LRP1: variants seen among roughly 807,000 people sequenced by gnomAD.
LRP1 encodes the protein LDL receptor related protein 1, also known as prolow-density lipoprotein receptor-related protein 1.
Under a neutral mutation model 541.5 loss-of-function variants are expected in LRP1, and 51 were observed. The observed-to-expected ratio is 0.09, with a 90% confidence interval of 0.08 to 0.12. The LOEUF (loss-of-function observed/expected upper bound fraction) is 0.12, where lower values mean the gene tolerates loss of function less well. Among genes scored for constraint, LRP1 ranks in the 10% least tolerant of loss-of-function variants. The pLI is 1.00. For missense variants in LRP1, 3,878 were observed against 6,376.2 expected, an observed-to-expected ratio of 0.61 and a Z score of 13.34; for synonymous variants, 2,219 against 2,470.8, an observed-to-expected ratio of 0.90 and a Z score of 3.02.
chr12:57,137,613 T>C (rs760249793), intron 1 of LRP1, among the ~76,000 whole-genome samples: 12 of 152,032 alleles, frequency 7.9e-5, no homozygotes, highest in Non-Finnish European at 1.3e-4. Flanking sequence ...ATGGCCAACA[T>C]GGTGAAACCC....
chr12:57,185,346 G>A lies in LRP1; in HGVS notation c.6463+141G>A, dbSNP rs2036248579. 1 of 1,380,924 alleles carries A rather than the reference G, an allele frequency of 7.2e-7. No individual in the cohort carries two copies. Among genetic ancestry groups the A allele is most frequent in the Non-Finnish European group, 9.8e-7 (1 of 1,016,400 alleles). 85.5% of individuals were successfully genotyped at this position (1,380,924 alleles called of 1,614,324 possible). A position where few individuals can be genotyped will look rare whatever the true frequency, so the allele number is the denominator to read the frequency against. ...ACTTCCGATGGCCCGAGAGACCCAG[G>A]GATGGGGAGGAAAGGCTGAGGTGCT... is the stretch of plus-strand genomic sequence containing the variant. On this transcript the variant is annotated intron_variant, in intron 40 of 88. Transcript: ENST00000243077. This position sits in a 1 kb window ranked among gnomAD's most constrained non-coding sequence, Gnocchi z 4.9.
At chr12:57,143,443 T>C (rs1330164198) in intron 3 of LRP1, among the ~76,000 whole-genome samples, 1 of 152,178 alleles carries the variant, frequency 6.6e-6, no homozygotes. Context: ...AACAGAGACA[T>C]GTGGGTTCTA....
chr12:57,196,884 AG>A (rs1385913880), intron 55 of LRP1, 97 bp from the exon 56 acceptor site: 6 of 1,082,018 alleles, frequency 5.5e-6, no homozygotes, highest in Non-Finnish European at 6.7e-6. Flanking sequence ...GCCCCTAGTG[AG>A]GCCGGGTAGA....
chr12:57,210,969 C>T, intron 83 of LRP1, 90 bp downstream of exon 83: 1 of 1,501,682 alleles, frequency 6.7e-7, no homozygotes, highest in East Asian at 2.4e-5. Context: ...TGCCTGGGAC[C>T]CACAGGGGCA....
In LRP1 at chr12:57,192,981, CG is replaced by C. The variant is rs373135688; in HGVS notation, c.7555+18del. On this transcript the variant is annotated intron_variant, in intron 45 of 88. Transcript: ENST00000243077. Reference sequence around the variant, plus strand: ...ACCTCACCTGCCGAGGTGAGAGAGGCGGGGGGGAGGGGCTGGCGGGGAACCC... The same window carrying C: ...ACCTCACCTGCCGAGGTGAGAGAGGCGGGGGGAGGGGCTGGCGGGGAACCC... 1,790 of 1,588,228 alleles carry C rather than the reference CG, an allele frequency of 1.1e-3. 16 individuals are homozygous for C. In the African/African-American group the frequency reaches 0.019, roughly 17 times the overall value.
chr12:57,131,068 C>T (rs796359874), intron 1 of LRP1, among the ~76,000 whole-genome samples: 8 of 152,300 alleles, frequency 5.3e-5, no homozygotes, highest in African/African-American at 1.7e-4. Flanking sequence ...TTATCCCTAA[C>T]CCCTGCCCTC....
chr12:57,154,268 A>G lies in LRP1; in HGVS notation c.902A>G (p.Asp301Gly). Residue 301 changes from aspartate to glycine, a missense_variant, in exon 7 of 89, where the codon GAT (aspartate) becomes GGT (glycine). By Grantham distance (94) the Asp-to-Gly change is moderately conservative. Transcript: ENST00000243077. The surrounding 1 kb of genome is among the most constrained non-coding windows in gnomAD (Gnocchi z 4.6). Reference protein sequence around the residue: ...TGNFYFVDDIDDRIFVCNRNG... With the variant: ...TGNFYFVDDIGDRIFVCNRNG... ...AACTTCTACTTTGTGGATGACATCG[A>G]TGATAGGATCTTTGTCTGCAACAGA... The G allele has an allele frequency of 6.2e-7, 1 of 1,614,224 alleles. No individual in the cohort carries two copies. Among genetic ancestry groups the G allele is most frequent in the South Asian group, 1.1e-5 (1 of 91,080 alleles).
chr12:57,206,448 C>A lies in LRP1; in HGVS notation c.11591-25C>A. On this transcript the variant is annotated intron_variant, in intron 75 of 88. Coordinates refer to ENST00000243077, the MANE Select transcript of LRP1 (RefSeq NM_002332.3). This position sits in a 1 kb window ranked among gnomAD's most constrained non-coding sequence, Gnocchi z 4.7. ...GGTGCACACCTGCATCCCACAGCCC[C>A]AGCCCTGGCCTCTTGCTTCTCCAGG... 1.2e-6 allele frequency: 2 copies of A among 1,611,598 alleles called. No individual in the cohort carries two copies. The highest frequency in any genetic ancestry group is 2.2e-5 in the South Asian group (2 of 91,002).
Position 57,173,432 on chromosome 12 carries a change from G to C in LRP1, c.3346+82G>C. On this transcript the variant is annotated intron_variant, in intron 21 of 88. Coordinates refer to ENST00000243077, the MANE Select transcript of LRP1 (RefSeq NM_002332.3). The surrounding 1 kb of genome is among the most constrained non-coding windows in gnomAD (Gnocchi z 4.7). Reference sequence around the variant, plus strand: ...GTGTTGAGAGCAGAGTAGCGGCAAAGGGGATGGCACTGTGCTGTGTGGAGT... The same window carrying C: ...GTGTTGAGAGCAGAGTAGCGGCAAACGGGATGGCACTGTGCTGTGTGGAGT... The C allele has an allele frequency of 6.9e-7, 1 of 1,443,722 alleles. No homozygotes were observed. The highest frequency in any genetic ancestry group is 9.5e-7 in the Non-Finnish European group (1 of 1,051,754). The allele number at this position is 1,443,722 out of a possible 1,614,324, so 89.4% of individuals were successfully genotyped here.
At chr12:57,202,888 C>A (rs2036686443) in intron 68 of LRP1, 8 of 567,968 alleles carry the variant, frequency 1.4e-5, no homozygotes, top group Non-Finnish European at 2.5e-5. Flanking sequence ...TGGTGCTTGT[C>A]TCAGTGGTCT....
rs757360423 is a variant in LRP1, at chr12:57,154,615, G to T, written c.1141G>T (p.Val381Phe). ...CACGCTGGACCTGGTCAGCCGCCTT[G>T]TCTACTGGGCAGATGCCTATCTGGA... ...GITLDLVSRL[V>F]YWADAYLDYI... The change falls in exon 8 of 89, where the codon GTC (valine) becomes TTC (phenylalanine). Residue 381 changes from valine to phenylalanine, a missense_variant. By Grantham distance (50) the Val-to-Phe change is conservative. This residue lies in a region of LRP1 where 496 missense variants were observed against 861.0 expected (regional missense o/e 0.58). Transcript: ENST00000243077. This position sits in a 1 kb window ranked among gnomAD's most constrained non-coding sequence, Gnocchi z 4.6. The T allele has an allele frequency of 1.2e-6, 2 of 1,609,682 alleles. No individual in the cohort carries two copies. The highest frequency in any genetic ancestry group is 1.7e-6 in the Non-Finnish European group (2 of 1,177,798).
Position 57,201,535 on chromosome 12 carries a change from A to G in LRP1, c.10384A>G (p.Ile3462Val), listed in dbSNP as rs759374505. The G allele has an allele frequency of 1.5e-5, 25 of 1,614,016 alleles. No individual in the cohort carries two copies. In the East Asian group the frequency reaches 4.5e-4, roughly 29 times the overall value. Reference sequence around the variant, plus strand: ...CGCCCCCAACCAGTTCCAGTGCTCCATTACCAAACGGTGCATCCCCCGGGT... The same window carrying G: ...CGCCCCCAACCAGTTCCAGTGCTCCGTTACCAAACGGTGCATCCCCCGGGT... Reference protein sequence around the residue: ...TCAPNQFQCSITKRCIPRVWV... With the variant: ...TCAPNQFQCSVTKRCIPRVWV... Residue 3462 changes from isoleucine to valine, a missense_variant, in exon 66 of 89, where the codon ATT (isoleucine) becomes GTT (valine). By Grantham distance (29) the Ile-to-Val change is conservative. This residue lies in a region of LRP1 where 278 missense variants were observed against 536.3 expected (regional missense o/e 0.52). Coordinates refer to ENST00000243077, the MANE Select transcript of LRP1 (RefSeq NM_002332.3). The surrounding 1 kb of genome is among the most constrained non-coding windows in gnomAD (Gnocchi z 6.4).
intron 6 of LRP1, among the ~76,000 whole-genome samples, chr12:57,153,990 C>A (rs965860543): frequency 6.6e-6 from 1 of 151,930 alleles, no homozygotes; most frequent in African/African-American, 2.4e-5. Flanking sequence ...GGTCCCTTTT[C>A]AAGGATGGGC....
intron 24 of LRP1, among the ~76,000 whole-genome samples, 192 bp from the exon 25 acceptor site, chr12:57,176,849 A>G (rs1326933924): frequency 6.6e-6 from 1 of 151,978 alleles, no homozygotes; most frequent in Admixed American, 6.5e-5. Context: ...CCTTGGTGAC[A>G]GAAGACCCTG....
chr12:57,209,203 A>G lies in LRP1; in HGVS notation c.12262+4A>G, dbSNP rs1353952210. Reference sequence around the variant, plus strand: ...GTGGCTGCTGACAGCAAACGAGGTCAGAGCCCGGCATAAGTCGCAGTCCCC... The same window carrying G: ...GTGGCTGCTGACAGCAAACGAGGTCGGAGCCCGGCATAAGTCGCAGTCCCC... On this transcript the variant is annotated splice_donor_region_variant and intron_variant, in intron 79 of 88. Transcript: ENST00000243077. 1 of 1,611,860 alleles carries G rather than the reference A, an allele frequency of 6.2e-7. No homozygotes were observed.
chr12:57,187,980 C>T (rs995929631), intron 42 of LRP1, among the ~76,000 whole-genome samples: 8 of 152,196 alleles, frequency 5.3e-5, no homozygotes, highest in Non-Finnish European at 1.0e-4. Context: ...GGAAGGCCAG[C>T]TCGGACAGGG....
rs7304504 is a variant in LRP1, at chr12:57,212,603, A to G, written c.*48A>G. The G allele has an allele frequency of 0.98, 1,492,421 of 1,524,938 alleles. 731,877 individuals are homozygous for G. The highest frequency in any genetic ancestry group is 0.99 in the Non-Finnish European group (1,128,812 of 1,137,506). 94.5% of individuals were successfully genotyped at this position (1,524,938 alleles called of 1,614,324 possible). A position where few individuals can be genotyped will look rare whatever the true frequency, so the allele number is the denominator to read the frequency against. On this transcript the variant is annotated 3_prime_UTR_variant, in exon 89 of 89. Transcript: ENST00000243077. This position sits in a 1 kb window ranked among gnomAD's most constrained non-coding sequence, Gnocchi z 5.0. The stretch of plus-strand genomic sequence containing the variant: ...CCCAGAAAGCCTCCTGCCCCCTGCC[A>G]GTGAAGTCCTTCAGTGAGCCCCTCC...
chr12:57,129,095 G>A (rs1221416672), intron 1 of LRP1, 64 bp downstream of exon 1: 1 of 1,471,076 alleles, frequency 6.8e-7, no homozygotes, highest in Non-Finnish European at 9.3e-7. Context: ...CCCCACTCCT[G>A]CATACGGATG....
intron 83 of LRP1, 86 bp downstream of exon 83, chr12:57,210,965 G>A: frequency 6.6e-7 from 1 of 1,508,414 alleles, no homozygotes; most frequent in South Asian, 1.3e-5. Context: ...CCTGTGCCTG[G>A]GACCCACAGG....
Sources: gnomAD v4.1 joint callset for allele counts (sites outside exome capture counted in the v4.1 genomes callset) on GRCh38, gnomAD v4.1.1 for gene constraint, gnomAD v4.1.1 regional missense constraint, Gnocchi (gnomAD v3.1) non-coding constraint, MANE v1.5 for transcripts, NCBI Gene and HGNC (gene_info 2026-07-23, HGNC 2026-07-21) for gene names.